Variants in KDM4B observed in about 807,000 individuals in gnomAD.
KDM4B encodes the protein lysine demethylase 4B.
Under a neutral mutation model 125.2 loss-of-function variants are expected in KDM4B, and 32 were observed. The observed-to-expected ratio is 0.26, with a 90% CI of 0.19 to 0.34. The LOEUF is 0.34. Ranked by LOEUF, KDM4B falls within the 10% of genes least tolerant of loss-of-function variation. The pLI, the probability that KDM4B is intolerant of heterozygous loss-of-function variation, is 1.00. For synonymous variants in KDM4B, 721 were observed against 677.9 expected (o/e 1.06, Z -0.99); for missense variants, 1,190 against 1,577.7 (o/e 0.75, Z 4.16).
At chr19:5,111,753 T>C (rs1343632841) in intron 10 of KDM4B, 2 of 764,988 alleles carry the variant, frequency 2.6e-6, no homozygotes. Context: ...GAGCAAACAT[T>C]TGTGACTTGG....
chr19:5,016,091 C>T (rs2035884485), intron 1 of KDM4B, among the ~76,000 whole-genome samples, 166 bp from the exon 2 acceptor site: 1 of 152,172 alleles, frequency 6.6e-6, no homozygotes, highest in African/African-American at 2.4e-5. Flanking sequence ...GGGTAAAGTG[C>T]TTATAGTTAC....
rs200790631 is a variant in KDM4B at position 5,101,274 on chromosome 19, TG to T, written c.919-9347del. 4.4e-3 allele frequency among the ~76,000 whole-genome samples: 671 copies of T among 151,000 alleles called. 6 individuals are homozygous for T. Among genetic ancestry groups the T allele is most frequent in the African/African-American group, 0.015 (631 of 40,932 alleles). On this transcript the variant is annotated intron_variant, in intron 9 of 22. Transcript: ENST00000159111. ...TGTCCTCTGTTTCTTACCAGGTTTT[TG>T]TTTTTTTTTTGATAGTTTATTTTGA...
At position 5,131,433 on chromosome 19, in the gene KDM4B, G is replaced by T. The variant is rs769033720; in HGVS notation, c.1673G>T (p.Gly558Val). The change falls in exon 12 of 23, where the codon GGT (glycine) becomes GTT (valine). Residue 558 changes from glycine (G) to valine (V), a missense_variant. By Grantham distance (109) the Gly-to-Val change is moderately radical. Coordinates refer to ENST00000159111, the MANE Select transcript of KDM4B (RefSeq NM_015015.3). ...GCCTTTGAGCACTTTGCCCAGAAGGGTCCGACCTGGAAGGAACCAGTTTCC... is the reference window on the plus strand; with the variant it reads ...GCCTTTGAGCACTTTGCCCAGAAGGTTCCGACCTGGAAGGAACCAGTTTCC... Reference protein sequence around the residue: ...QQAFEHFAQKGPTWKEPVSPM... With the variant: ...QQAFEHFAQKVPTWKEPVSPM... The T allele has an allele frequency of 1.9e-6, 3 of 1,610,502 alleles. No individual in the cohort carries two copies. The highest frequency in any genetic ancestry group is 2.5e-6 in the Non-Finnish European group (3 of 1,179,550).
chr19:4,994,020 G>GT (rs55641886), intron 1 of KDM4B, among the ~76,000 whole-genome samples: 3,380 of 66,614 alleles, frequency 0.051, 120 homozygotes, highest in Middle Eastern at 0.065. Context: ...TTTTCAGCCT[G>GT]TTTTTTTTTT....
intron 9 of KDM4B, among the ~76,000 whole-genome samples, chr19:5,091,790 G>T (rs1283525836): frequency 6.6e-6 from 1 of 152,090 alleles, no homozygotes; most frequent in Non-Finnish European, 1.5e-5. Context: ...CGGAGGTGCG[G>T]GAAACTCCAG....
At chr19:5,129,360 G>A (rs1032404263) in intron 11 of KDM4B, among the ~76,000 whole-genome samples, 3 of 151,986 alleles carry the variant, frequency 2.0e-5, no homozygotes, top group Admixed American at 6.5e-5. Flanking sequence ...TGTCACCCTC[G>A]GCCCTTGGGA....
At chr19:5,138,336 C>T in intron 18 of KDM4B, 1 of 504,724 alleles carries the variant, frequency 2.0e-6, no homozygotes, top group Non-Finnish European at 3.6e-6. Context: ...GCCTTGGGGG[C>T]ATCCTCTGCA....
intron 1 of KDM4B, among the ~76,000 whole-genome samples, chr19:4,993,621 T>G (rs997176836): frequency 6.6e-6 from 1 of 152,134 alleles, no homozygotes; most frequent in African/African-American, 2.4e-5. Context: ...TTTGTTTGTT[T>G]TTTTTTTGAG....
At chr19:5,111,801 C>T (rs1027356021) in intron 10 of KDM4B, 20 of 765,084 alleles carry the variant, frequency 2.6e-5, no homozygotes, top group Admixed American at 3.4e-5. Context: ...CTCGACGTCT[C>T]GACTCCGCAT....
chr19:5,118,603 C>T (rs776630332), intron 10 of KDM4B, among the ~76,000 whole-genome samples: 2 of 152,212 alleles, frequency 1.3e-5, no homozygotes, highest in Non-Finnish European at 2.9e-5. Context: ...CCCTCCGCAT[C>T]TCCAAAAAGC....
chr19:4,978,188 G>A (rs1031432245), intron 1 of KDM4B, among the ~76,000 whole-genome samples: 22 of 152,100 alleles, frequency 1.4e-4, no homozygotes, highest in African/African-American at 5.3e-4. Context: ...GGCGGAGGAA[G>A]TCGTTCTCTT....
chr19:5,007,804 C>T (rs1310095897), intron 1 of KDM4B, among the ~76,000 whole-genome samples: 2 of 152,196 alleles, frequency 1.3e-5, no homozygotes, highest in African/African-American at 2.4e-5. Flanking sequence ...CCTCCCACCT[C>T]TGCCTGCCAA....
chr19:5,052,051 C>T (rs957371588), intron 6 of KDM4B, among the ~76,000 whole-genome samples: 27 of 152,044 alleles, frequency 1.8e-4, no homozygotes, highest in Admixed American at 1.2e-3. Flanking sequence ...CTGAGTGCTG[C>T]GGGGAGGGCT....
chr19:5,119,293 C>A (rs1599224922), intron 10 of KDM4B: 1 of 1,035,624 alleles, frequency 9.7e-7, no homozygotes, highest in East Asian at 2.6e-5. Context: ...AGCTCACACT[C>A]CCTGTGTCTC....
intron 9 of KDM4B, among the ~76,000 whole-genome samples, chr19:5,088,453 T>C (rs1407021959): frequency 6.6e-6 from 1 of 152,192 alleles, no homozygotes; most frequent in African/African-American, 2.4e-5. Context: ...CCCCTAGAGC[T>C]GAGCAGAGCG....
intron 11 of KDM4B, among the ~76,000 whole-genome samples, chr19:5,121,010 G>C (rs1015169736): frequency 6.6e-6 from 1 of 152,200 alleles, no homozygotes; most frequent in Non-Finnish European, 1.5e-5. Context: ...ATTGTCCTTG[G>C]AACATGGCAA....
At chr19:5,033,092 A>G (rs2036510392) in intron 3 of KDM4B, 61 bp downstream of exon 3, 1 of 1,578,626 alleles carries the variant, frequency 6.3e-7, no homozygotes, top group Non-Finnish European at 8.6e-7. Context: ...GCCTGCGGAC[A>G]TCCTGGGTCC....
chr19:5,127,443 G>A (rs904646329), intron 11 of KDM4B, among the ~76,000 whole-genome samples: 4 of 152,190 alleles, frequency 2.6e-5, no homozygotes, highest in African/African-American at 9.7e-5. Flanking sequence ...CCTGGGAGCC[G>A]ACAGGGAGAG....
intron 1 of KDM4B, among the ~76,000 whole-genome samples, chr19:4,985,827 G>A (rs2034808975): frequency 6.6e-6 from 1 of 152,202 alleles, no homozygotes; most frequent in Non-Finnish European, 1.5e-5. Context: ...TTCCAGGAGC[G>A]CAGCCTGGGA....
Sources: gnomAD v4.1 joint callset for allele counts (sites outside exome capture counted in the v4.1 genomes callset) on GRCh38, gnomAD v4.1.1 for gene constraint, MANE v1.5 for transcripts, NCBI Gene and HGNC (gene_info 2026-07-23, HGNC 2026-07-21) for gene names.